Variants in UNC13B observed in about 807,000 individuals in gnomAD.
UNC13B encodes protein unc-13 homolog B.
Under a neutral mutation model 211.0 loss-of-function variants are expected in UNC13B, and 144 were observed. The ratio of observed to expected loss-of-function variants is 0.68; its 90% CI spans 0.60 to 0.78. UNC13B has a LOEUF of 0.78. UNC13B is among the 30% of genes least tolerant of loss of function. The probability of loss-of-function intolerance (pLI) is 0.00; values close to 1 mark genes in which losing one functional copy is unlikely to be tolerated. For missense variants in UNC13B, 1,777 were observed against 2,002.0 expected (o/e 0.89, Z 2.14); for synonymous variants, 709 against 725.8 (o/e 0.98, Z 0.37).
intron 11 of UNC13B, among the ~76,000 whole-genome samples, chr9:35,345,943 C>T (rs2132036730): frequency 6.6e-6 from 1 of 152,276 alleles, no homozygotes; most frequent in East Asian, 1.9e-4. Flanking sequence ...ATATGTCTAG[C>T]TTCTGGCCTA....
Position 35,306,295 on chromosome 9 carries a change from A to G in UNC13B, c.6891A>G (p.Ala2297=). Residue 2297 remains alanine, a synonymous_variant, in exon 9 of 40, where the codon GCA becomes GCG. Transcript: ENST00000635942. ...ACACCATTGAGGTTACCTCCCTTGCAGATGAGCTCAGTGTAGACAAGGACT... is the reference window on the plus strand; with the variant it reads ...ACACCATTGAGGTTACCTCCCTTGCGGATGAGCTCAGTGTAGACAAGGACT... ...INNTIEVTSL[A]DELSVDKDCQ... 1 of 399,102 alleles carries G rather than the reference A, an allele frequency of 2.5e-6. No individual in the cohort carries two copies. 24.7% of individuals were successfully genotyped at this position (399,102 alleles called of 1,614,324 possible).
intron 15 of UNC13B, among the ~76,000 whole-genome samples, chr9:35,377,079 T>G (rs1834467753): frequency 6.6e-6 from 1 of 152,194 alleles, no homozygotes; most frequent in African/African-American, 2.4e-5. Flanking sequence ...CCACAAGTAC[T>G]TCATTATCCC....
At chr9:35,352,475 G>A in intron 11 of UNC13B, 1 of 1,232,074 alleles carries the variant, frequency 8.1e-7, no homozygotes, top group Non-Finnish European at 1.0e-6. Flanking sequence ...TCCCCAGAAG[G>A]AGTCTATATC....
chr9:35,312,383 G>C (rs1830221625), intron 10 of UNC13B, among the ~76,000 whole-genome samples: 1 of 152,108 alleles, frequency 6.6e-6, no homozygotes, highest in East Asian at 1.9e-4. Flanking sequence ...CTAATAGATG[G>C]GACATCCAGG....
intron 14 of UNC13B, 110 bp downstream of exon 14, chr9:35,375,311 C>A: frequency 8.6e-7 from 1 of 1,167,758 alleles, no homozygotes; most frequent in Non-Finnish European, 1.3e-6. Flanking sequence ...GTGCTGGACA[C>A]ACATTGCTGA....
intron 12 of UNC13B, among the ~76,000 whole-genome samples, chr9:35,370,038 A>C (rs1834015833): frequency 6.6e-6 from 1 of 152,200 alleles, no homozygotes; most frequent in Non-Finnish European, 1.5e-5. Context: ...CCTTCAAATA[A>C]ATAGAAATGC....
intron 7 of UNC13B, among the ~76,000 whole-genome samples, chr9:35,281,135 A>C (rs950090331): frequency 2.6e-5 from 4 of 151,926 alleles, no homozygotes; most frequent in Non-Finnish European, 5.9e-5. Context: ...CTGTAGTCCC[A>C]GCTACTCAGG....
intron 1 of UNC13B, among the ~76,000 whole-genome samples, chr9:35,169,607 C>T (rs764072811): frequency 6.6e-6 from 1 of 152,176 alleles, no homozygotes; most frequent in Non-Finnish European, 1.5e-5. Context: ...TTCCATCGAT[C>T]GTGGTTCTAG....
intron 11 of UNC13B, among the ~76,000 whole-genome samples, chr9:35,318,433 A>G (rs1327751444): frequency 6.6e-6 from 1 of 152,162 alleles, no homozygotes; most frequent in Non-Finnish European, 1.5e-5. Flanking sequence ...CCTCCACTCA[A>G]GATAATCTTG....
rs1268574001 is a variant in UNC13B, at chr9:35,376,091, C to A, written c.9679C>A (p.His3227Asn). ...CTACCCCATTTCGTGCACCACTCCTCATAACTTTGAGGTCTGGACGGCCAC... is the reference window on the plus strand; with the variant it reads ...CTACCCCATTTCGTGCACCACTCCTAATAACTTTGAGGTCTGGACGGCCAC... ...LIYPISCTTPHNFEVWTATTP... is the reference protein window; with the variant it reads ...LIYPISCTTPNNFEVWTATTP... Residue 3227 changes from histidine (H) to asparagine (N), a missense_variant, in exon 15 of 40, where the codon CAT becomes AAT. His to Asn is a moderately conservative substitution (Grantham distance 68, BLOSUM62 1). Coordinates refer to ENST00000635942, the MANE Select transcript of UNC13B (RefSeq NM_001371189.2). 6.2e-7 allele frequency: 1 copy of A among 1,614,152 alleles called. No homozygotes were observed. Among genetic ancestry groups the A allele is most frequent in the African/African-American group, 1.3e-5 (1 of 74,946 alleles).
At chr9:35,348,446 C>T (rs534231859) in intron 11 of UNC13B, among the ~76,000 whole-genome samples, 1 of 152,264 alleles carries the variant, frequency 6.6e-6, no homozygotes, top group South Asian at 2.1e-4. Flanking sequence ...AAGAAAACTT[C>T]TAGGAGAAAG....
At position 35,398,963 on chromosome 9, in the gene UNC13B, A is replaced by T. The variant is rs558203855; in HGVS notation, c.12003A>T (p.Pro4001=). 1 of 1,614,226 alleles carries T rather than the reference A, an allele frequency of 6.2e-7. No homozygotes were observed. The highest frequency in any genetic ancestry group is 1.3e-5 in the African/African-American group (1 of 75,060). ...TTCGGGGCACAGGGAATGCATCTCC[A>T]GACGCCAGGGCCTCAGCGGCTCAGG... The part of the protein sequence containing the change: ...GQVRGTGNAS[P]DARASAAQDA... The change falls in exon 33 of 40, where the codon CCA becomes CCT. Residue 4001 remains proline, a synonymous_variant. Transcript: ENST00000635942.
intron 1 of UNC13B, among the ~76,000 whole-genome samples, chr9:35,186,277 G>A (rs1323579113): frequency 6.6e-6 from 1 of 152,032 alleles, no homozygotes. Flanking sequence ...TCATCTACAT[G>A]ATGAAAATCT....
intron 7 of UNC13B, among the ~76,000 whole-genome samples, chr9:35,292,773 G>A (rs1407218632): frequency 6.6e-6 from 1 of 152,154 alleles, no homozygotes; most frequent in East Asian, 1.9e-4. Flanking sequence ...CTTTCAAATA[G>A]ACTTTACCAG....
At chr9:35,170,983 AT>A (rs2131259178) in intron 1 of UNC13B, among the ~76,000 whole-genome samples, 1 of 151,890 alleles carries the variant, frequency 6.6e-6, no homozygotes, top group African/African-American at 2.4e-5. Context: ...TAATTTTTGT[AT>A]TTTTTGTAGA....
chr9:35,349,821 T>C (rs1564155403), intron 11 of UNC13B, among the ~76,000 whole-genome samples: 2 of 152,334 alleles, frequency 1.3e-5, no homozygotes, highest in South Asian at 4.1e-4. Context: ...TGCTTTTAAA[T>C]TCCAGGCCCA....
chr9:35,326,852 T>C (rs1831046653), intron 11 of UNC13B, among the ~76,000 whole-genome samples: 1 of 152,244 alleles, frequency 6.6e-6, no homozygotes, highest in Non-Finnish European at 1.5e-5. Flanking sequence ...AAACAGTGGC[T>C]AAGGAGGGAC....
rs1389799891 is a variant in UNC13B at position 35,313,902 on chromosome 9, T to G, written c.9327T>G (p.Phe3109Leu). 6.2e-7 allele frequency: 1 copy of G among 1,613,284 alleles called. No homozygotes were observed. The highest frequency in any genetic ancestry group is 8.5e-7 in the Non-Finnish European group (1 of 1,179,314). The part of the protein sequence containing the change: ...KDHFLGPQES[F>L]PEENASSPFT... Reference sequence around the variant, plus strand: ...TGTACTTTTTCTCTGTTACAAGTTTTCCTGAGGAGAATGCATCTTCACCAT... The same window carrying G: ...TGTACTTTTTCTCTGTTACAAGTTTGCCTGAGGAGAATGCATCTTCACCAT... The change falls in exon 11 of 40, where the codon TTT becomes TTG. Residue 3109 changes from phenylalanine to leucine, a missense_variant. Physicochemically the swap from Phe to Leu is conservative, Grantham distance 22. Transcript: ENST00000635942.
At chr9:35,176,057 A>G (rs1821616432) in intron 1 of UNC13B, among the ~76,000 whole-genome samples, 1 of 150,856 alleles carries the variant, frequency 6.6e-6, no homozygotes, top group Non-Finnish European at 1.5e-5. Flanking sequence ...AGTAGTCTTA[A>G]GAAGAAATTT....
Sources: allele counts gnomAD v4.1 joint callset (sites outside exome capture counted in the v4.1 genomes callset), GRCh38; gene constraint gnomAD v4.1.1; transcripts MANE v1.5; gene names NCBI Gene and HGNC (gene_info 2026-07-23, HGNC 2026-07-21).